PCNX3: variants seen among roughly 807,000 people sequenced by gnomAD.
PCNX3 encodes the protein pecanex-like protein 3.
PCNX3 carries 58 observed loss-of-function variants against 207.2 expected under a neutral mutation model. The observed-to-expected ratio is 0.28, with a 90% CI of 0.23 to 0.35. PCNX3 has a LOEUF of 0.35. PCNX3 is among the 10% of genes least tolerant of loss of function. The pLI is 1.00. For synonymous variants in PCNX3, 1,337 were observed against 1,183.5 expected (o/e 1.13, Z -2.66); for missense variants, 2,410 against 2,774.4 (o/e 0.87, Z 2.95).
At position 65,617,720 on chromosome 11, in the gene PCNX3, A is replaced by G. The variant is rs894202725; in HGVS notation, c.577+14A>G. The G allele has an allele frequency of 2.6e-6, 4 of 1,553,790 alleles. No individual in the cohort carries two copies. The African/African-American group carries it at 5.5e-5, about 21-fold the overall frequency. ...AGGAGAAACTGAGTGCGTGGGCCTT[A>G]TGGGGCCGAGGCTTGTGGGCTAGAC... On this transcript the variant is annotated intron_variant, in intron 5 of 34. Transcript: ENST00000355703.
At chr11:65,629,316 A>T in intron 24 of PCNX3, 41 bp from the exon 25 acceptor site, 1 of 1,587,800 alleles carries the variant, frequency 6.3e-7, no homozygotes. Flanking sequence ...CCCTCTCTTC[A>T]CCTTCTTGGC....
chr11:65,626,087 C>CA (rs1565164362), intron 20 of PCNX3, 33 bp downstream of exon 20: 5 of 1,567,930 alleles, frequency 3.2e-6, no homozygotes, highest in Non-Finnish European at 1.7e-6. Flanking sequence ...CAGGCCTGGG[C>CA]AGTGGCTCGG....
rs1855877602 is a variant in PCNX3 at position 65,636,973 on chromosome 11, T to C, written c.6100T>C (p.Tyr2034His). 1 of 1,568,646 alleles carries C rather than the reference T, an allele frequency of 6.4e-7. No homozygotes were observed. Among genetic ancestry groups the C allele is most frequent in the South Asian group, 1.2e-5 (1 of 85,630 alleles). The part of the protein sequence containing the change: ...PAAQPLLEHQ[Y>H] ...AGCCCAGCCCCTGCTGGAACACCAGTACTGAGCTACCTGGCGCCCACTGGA... is the reference window on the plus strand; with the variant it reads ...AGCCCAGCCCCTGCTGGAACACCAGCACTGAGCTACCTGGCGCCCACTGGA... The change falls in exon 35 of 35, where the codon TAC (tyrosine) becomes CAC (histidine). Residue 2034 changes from tyrosine (Y) to histidine (H), a missense_variant. Coordinates refer to ENST00000355703, the MANE Select transcript of PCNX3 (RefSeq NM_032223.4).
At chr11:65,621,502 G>C (rs533398426) in intron 10 of PCNX3, among the ~76,000 whole-genome samples, 30 of 152,366 alleles carry the variant, frequency 2.0e-4, no homozygotes, top group Admixed American at 1.0e-3. Flanking sequence ...CTTAAAGAAT[G>C]ATCATAAAAG....
chr11:65,634,594 G>A lies in PCNX3; in HGVS notation c.4758G>A (p.Val1586=), dbSNP rs759899625. 3.1e-6 allele frequency: 5 copies of A among 1,604,740 alleles called. No individual in the cohort carries two copies. The South Asian group carries it at 3.3e-5, about 11-fold the overall frequency. Residue 1586 remains valine, a synonymous_variant, in exon 29 of 35, where the codon GTG becomes GTA. Coordinates refer to ENST00000355703, the MANE Select transcript of PCNX3 (RefSeq NM_032223.4). The part of the protein sequence containing the change: ...PLVTLCFGLC[V]LGRRALGTAS... ...TCACGCTGTGTTTTGGCCTGTGTGT[G>A]CTGGGCCGCCGGGCCCTGGGGACAG...
At position 65,618,116 on chromosome 11, in the gene PCNX3, A is replaced by G. The variant is rs906201187; in HGVS notation, c.754A>G (p.Ser252Gly). ...GAGCCTCAGCCAGGAGCTGAGCAAGAGCTTCCTGACCCTGACCCAGCCTGA... is the reference window on the plus strand; with the variant it reads ...GAGCCTCAGCCAGGAGCTGAGCAAGGGCTTCCTGACCCTGACCCAGCCTGA... Reference protein sequence around the residue: ...KGSLSQELSKSFLTLTQPDRA... With the variant: ...KGSLSQELSKGFLTLTQPDRA... Residue 252 changes from serine (S) to glycine (G), a missense_variant, in exon 6 of 35, where the codon AGC becomes GGC. By Grantham distance (56) the Ser-to-Gly change is moderately conservative. This residue lies in a region of PCNX3 where 1,104 missense variants were observed against 970.3 expected (regional missense o/e 1.14). Coordinates refer to ENST00000355703, the MANE Select transcript of PCNX3 (RefSeq NM_032223.4). 25 of 1,611,366 alleles carry G rather than the reference A, an allele frequency of 1.6e-5. No homozygotes were observed. The highest frequency in any genetic ancestry group is 1.8e-5 in the Non-Finnish European group (21 of 1,179,268).
rs546031043 is a variant in PCNX3, at chr11:65,626,057, G to A, written c.3379+3G>A. 5.6e-6 allele frequency: 9 copies of A among 1,598,132 alleles called. No homozygotes were observed. The South Asian group carries it at 7.9e-5, about 14-fold the overall frequency. On this transcript the variant is annotated splice_donor_region_variant and intron_variant, in intron 20 of 34. Coordinates refer to ENST00000355703, the MANE Select transcript of PCNX3 (RefSeq NM_032223.4). ...GTACAGCCAGTATGAAGTGCGCGGT[G>A]AGTGCCCACCCCTGATGGCCAGGCC...
rs1366442267 is a variant in PCNX3, at chr11:65,616,967, G to T, written c.297G>T (p.Gly99=). 2 of 1,613,042 alleles carry T rather than the reference G, an allele frequency of 1.2e-6. No homozygotes were observed. Among genetic ancestry groups the T allele is most frequent in the Admixed American group, 1.7e-5 (1 of 60,000 alleles). Residue 99 remains glycine (G), a synonymous_variant, in exon 2 of 35, where the codon GGG becomes GGT. Transcript: ENST00000355703. ...EIVEKRSSTM[G]ELEEEPAQGD... ...TGGAGAAGCGCAGCTCTACCATGGGGGAGCTGGAGGAAGAGCCTGCCCAGG... is the reference window on the plus strand; with the variant it reads ...TGGAGAAGCGCAGCTCTACCATGGGTGAGCTGGAGGAAGAGCCTGCCCAGG...
intron 3 of PCNX3, 33 bp downstream of exon 3, chr11:65,617,382 G>T (rs763132319): frequency 1.2e-6 from 2 of 1,613,172 alleles, no homozygotes; most frequent in East Asian, 2.2e-5. Flanking sequence ...TTGTCCTCCT[G>T]TCCCTCTGCG....
rs991849102 is a variant in PCNX3, at chr11:65,634,893, C to A, written c.4806-80C>A. On this transcript the variant is annotated intron_variant, in intron 29 of 34. Transcript: ENST00000355703. ...ACTGAGGCTCAGCGTGAGGAAAGGC[C>A]TCTGCTTGGATCACTCTGAAGCCTT... 21 of 1,511,136 alleles carry A rather than the reference C, an allele frequency of 1.4e-5. No individual in the cohort carries two copies. The Admixed American group carries it at 3.0e-4, about 22-fold the overall frequency. 93.6% of individuals were successfully genotyped at this position (1,511,136 alleles called of 1,614,324 possible).
In PCNX3 at chr11:65,636,482, G is replaced by T. The variant is rs532256304; in HGVS notation, c.5685G>T (p.Leu1895=). The part of the protein sequence containing the change: ...GSGDGRPPPL[L]QWPPPRLPGP... ...GTGATGGGCGGCCCCCACCTCTGCTGCAGTGGCCTCCCCCTCGGCTCCCTG... is the reference window on the plus strand; with the variant it reads ...GTGATGGGCGGCCCCCACCTCTGCTTCAGTGGCCTCCCCCTCGGCTCCCTG... Residue 1895 remains leucine, a synonymous_variant, in exon 34 of 35, where the codon CTG becomes CTT. Coordinates refer to ENST00000355703, the MANE Select transcript of PCNX3 (RefSeq NM_032223.4). 1.9e-6 allele frequency: 3 copies of T among 1,572,030 alleles called. No individual in the cohort carries two copies. In the African/African-American group the frequency reaches 4.1e-5, roughly 22 times the overall value.
At position 65,618,274 on chromosome 11, in the gene PCNX3, C is replaced by T. The variant is rs775804362; in HGVS notation, c.912C>T (p.Gly304=). ...KAGSSDSCFS[G]TDRETLSSFK... ...GCTCCTCAGACTCCTGCTTCAGCGG[C>T]ACTGACAGGGAGACATTGAGCAGCT... Residue 304 remains glycine, a synonymous_variant, in exon 6 of 35, where the codon GGC becomes GGT. Transcript: ENST00000355703. The T allele has an allele frequency of 6.8e-6, 11 of 1,610,260 alleles. No homozygotes were observed. Among genetic ancestry groups the T allele is most frequent in the Non-Finnish European group, 9.3e-6 (11 of 1,178,130 alleles).
intron 13 of PCNX3, 60 bp downstream of exon 13, chr11:65,624,021 T>G (rs954167275): frequency 1.2e-6 from 2 of 1,602,916 alleles, no homozygotes; most frequent in Non-Finnish European, 1.7e-6. Flanking sequence ...TGAGACCAGG[T>G]GGGGAGGAGG....
At position 65,618,570 on chromosome 11, in the gene PCNX3, C is replaced by T; in HGVS notation, c.1208C>T (p.Pro403Leu). The change falls in exon 6 of 35, where the codon CCA becomes CTA. Residue 403 changes from proline (P) to leucine (L), a missense_variant. By Grantham distance (98) the Pro-to-Leu change is moderately conservative. Coordinates refer to ENST00000355703, the MANE Select transcript of PCNX3 (RefSeq NM_032223.4). Reference protein sequence around the residue: ...KRQPPLRRHSPPGRAPRRPLL... With the variant: ...KRQPPLRRHSLPGRAPRRPLL... Reference sequence around the variant, plus strand: ...CAGCCACCCCTGCGAAGACACTCTCCACCTGGCCGTGCCCCTCGACGGCCC... The same window carrying T: ...CAGCCACCCCTGCGAAGACACTCTCTACCTGGCCGTGCCCCTCGACGGCCC... 1.9e-6 allele frequency: 3 copies of T among 1,611,962 alleles called. No individual in the cohort carries two copies. The highest frequency in any genetic ancestry group is 2.7e-5 in the African/African-American group (2 of 75,062).
rs772955757 is a variant in PCNX3 at position 65,635,421 on chromosome 11, G to C, written c.5157G>C (p.Arg1719=). Residue 1719 remains arginine, a synonymous_variant, in exon 31 of 35, where the codon CGG becomes CGC. Transcript: ENST00000355703. This position sits in a 1 kb window ranked among gnomAD's most constrained non-coding sequence, Gnocchi z 9.9. ...AGTACAAGATCATCATGCTCAACCGGCGCCACCTCAGCTTCCGAGTCATCA... is the reference window on the plus strand; with the variant it reads ...AGTACAAGATCATCATGCTCAACCGCCGCCACCTCAGCTTCCGAGTCATCA... ...SDEYKIIMLN[R]RHLSFRVIKV... is the part of the protein sequence containing the mutation. The C allele has an allele frequency of 6.2e-7, 1 of 1,611,640 alleles. No homozygotes were observed. Among genetic ancestry groups the C allele is most frequent in the South Asian group, 1.1e-5 (1 of 91,010 alleles).
chr11:65,628,766 T>TGG, intron 23 of PCNX3, 53 bp from the exon 24 acceptor site: 1 of 302,140 alleles, frequency 3.3e-6, no homozygotes, highest in African/African-American at 7.1e-5. Flanking sequence ...CAGTGGGGGG[T>TGG]GGTGGGGGGC....
chr11:65,623,288 G>A (rs1035247611), intron 11 of PCNX3, among the ~76,000 whole-genome samples: 2 of 151,692 alleles, frequency 1.3e-5, no homozygotes, highest in Admixed American at 6.5e-5. Context: ...AGATTGGGAA[G>A]GAGAGAGCAA....
At position 65,616,431 on chromosome 11, in the gene PCNX3, C is replaced by T. The variant is rs1258937509; in HGVS notation, c.120C>T (p.Ile40=). The change falls in exon 1 of 35, where the codon ATC becomes ATT. Residue 40 remains isoleucine, a synonymous_variant. Coordinates refer to ENST00000355703, the MANE Select transcript of PCNX3 (RefSeq NM_032223.4). ...ACTGCTTCCACCTCTATGTCTGGAT[C>T]TTCCTGCTCATCTTTCCCTTCTTAC... ...FSNCFHLYVW[I]FLLIFPFLLY... 3.1e-6 allele frequency: 5 copies of T among 1,609,618 alleles called. No homozygotes were observed. The highest frequency in any genetic ancestry group is 2.2e-5 in the East Asian group (1 of 44,560).
rs1329070079 is a variant in PCNX3, at chr11:65,625,367, G to A, written c.3030-38G>A. The A allele has an allele frequency of 9.4e-6, 15 of 1,595,658 alleles. No homozygotes were observed. The highest frequency in any genetic ancestry group is 3.3e-4 in the Middle Eastern group (2 of 6,066). On this transcript the variant is annotated intron_variant, in intron 17 of 34. Coordinates refer to ENST00000355703, the MANE Select transcript of PCNX3 (RefSeq NM_032223.4). The surrounding 1 kb of genome is among the most constrained non-coding windows in gnomAD (Gnocchi z 5.6). The stretch of plus-strand genomic sequence containing the variant: ...TGCCCGTGACTGGGGCCGGGGGGAA[G>A]GAGGGGCGGCCTCCTCCTGACTCTT...
Sources: allele counts gnomAD v4.1 joint callset (sites outside exome capture counted in the v4.1 genomes callset), GRCh38; gene constraint gnomAD v4.1.1; regional missense constraint gnomAD v4.1.1; non-coding constraint Gnocchi (gnomAD v3.1); transcripts MANE v1.5; gene names NCBI Gene and HGNC (gene_info 2026-07-23, HGNC 2026-07-21).